Variants in IMPACT observed in about 807,000 individuals in gnomAD.
The protein encoded by IMPACT is impact RWD domain protein, also known as protein IMPACT.
In IMPACT, 35 loss-of-function variants were observed where a neutral mutation model predicts 47.5. That is an observed-to-expected ratio of 0.74 (90% CI 0.56 to 0.98). The LOEUF is 0.98. IMPACT is among the 50% of genes least tolerant of loss of function. The pLI is 0.00. For missense variants in IMPACT, 373 were observed against 394.8 expected (o/e 0.94, Z 0.47); for synonymous variants, 118 against 125.6 (o/e 0.94, Z 0.40).
chr18:24,436,654 TC>T (rs1316181916), intron 4 of IMPACT, among the ~76,000 whole-genome samples: 1 of 152,000 alleles, frequency 6.6e-6, no homozygotes, highest in Non-Finnish European at 1.5e-5. Context: ...GTTCAAGCAA[TC>T]CTCCCACCTC....
chr18:24,433,292 C>T (rs1456480271), intron 4 of IMPACT, among the ~76,000 whole-genome samples: 5 of 149,080 alleles, frequency 3.4e-5, no homozygotes, highest in African/African-American at 5.0e-5. Flanking sequence ...CTCTGCCTCC[C>T]GGGTTCACGC....
chr18:24,426,878 G>T, intron 1 of IMPACT, 86 bp downstream of exon 1: 1 of 951,794 alleles, frequency 1.1e-6, no homozygotes, highest in Non-Finnish European at 1.4e-6. Context: ...GGGGCCCTCC[G>T]CCTGGGGCCG....
chr18:24,427,000 C>G, intron 1 of IMPACT: 1 of 394,456 alleles, frequency 2.5e-6, no homozygotes, highest in Non-Finnish European at 4.5e-6. Context: ...CGGCCGCGGT[C>G]TCGGCCTGTC....
intron 7 of IMPACT, among the ~76,000 whole-genome samples, chr18:24,444,739 A>G (rs1160447860): frequency 6.6e-6 from 1 of 152,244 alleles, no homozygotes; most frequent in African/African-American, 2.4e-5. Flanking sequence ...AATTTCAGGT[A>G]AACATTATTG....
chr18:24,441,189 TTTTG>T (rs887706228), intron 6 of IMPACT, among the ~76,000 whole-genome samples: 20 of 152,208 alleles, frequency 1.3e-4, no homozygotes, highest in East Asian at 3.9e-4. Flanking sequence ...TGAGTTCAGT[TTTTG>T]TTTGTTTGTT....
At chr18:24,428,811 A>C in intron 2 of IMPACT, 58 bp from the exon 3 acceptor site, 1 of 1,339,272 alleles carries the variant, frequency 7.5e-7, no homozygotes, top group Non-Finnish European at 1.0e-6. Flanking sequence ...CTTTATAAAT[A>C]TGGTTACTTT....
chr18:24,430,095 A>G (rs1236294354), intron 3 of IMPACT, among the ~76,000 whole-genome samples: 1 of 152,174 alleles, frequency 6.6e-6, no homozygotes, highest in Non-Finnish European at 1.5e-5. Context: ...AACCATTAAA[A>G]CAGGGTAATT....
At chr18:24,446,216 A>G (rs146016055) in intron 8 of IMPACT, among the ~76,000 whole-genome samples, 1 of 151,990 alleles carries the variant, frequency 6.6e-6, no homozygotes, top group Non-Finnish European at 1.5e-5. Context: ...GGTGCGAGCC[A>G]CCATGCCCGG....
intron 9 of IMPACT, among the ~76,000 whole-genome samples, chr18:24,448,510 G>A (rs1037553871): frequency 1.3e-5 from 2 of 151,610 alleles, no homozygotes; most frequent in African/African-American, 4.8e-5. Flanking sequence ...ACTCCGGTTA[G>A]TTGGATATTG....
rs898077621 is a variant in IMPACT, at chr18:24,443,138, G to T, written c.580G>T (p.Val194Phe). The change falls in exon 7 of 11, where the codon GTT becomes TTT. Residue 194 changes from valine to phenylalanine, a missense_variant. Transcript: ENST00000284202. ...STFQAHLAPV[V>F]CPKQVKMVLS... ...TTTTCAGGCACACTTGGCTCCAGTG[G>T]TTTGTCCCAAACAGGTAAAGTTCCT... is the stretch of plus-strand genomic sequence containing the variant. The T allele has an allele frequency of 6.3e-7, 1 of 1,588,128 alleles. No individual in the cohort carries two copies. The highest frequency in any genetic ancestry group is 8.6e-7 in the Non-Finnish European group (1 of 1,158,812).
intron 9 of IMPACT, 47 bp from the exon 10 acceptor site, chr18:24,449,772 T>C: frequency 6.6e-7 from 1 of 1,517,610 alleles, no homozygotes; most frequent in Non-Finnish European, 9.1e-7. Flanking sequence ...AACTCATATT[T>C]ATACATGTCT....
chr18:24,441,053 G>T (rs542576), intron 6 of IMPACT, among the ~76,000 whole-genome samples: 139,705 of 152,202 alleles, frequency 0.92, 64,305 homozygotes, highest in Admixed American at 0.95. Context: ...CCTTTAAGAG[G>T]TTTTTTTTGA....
At position 24,440,568 on chromosome 18, in the gene IMPACT, C is replaced by G; in HGVS notation, c.440C>G (p.Pro147Arg). 8 of 1,612,934 alleles carry G rather than the reference C, an allele frequency of 5.0e-6. No homozygotes were observed. Among genetic ancestry groups the G allele is most frequent in the Non-Finnish European group, 6.8e-6 (8 of 1,179,250 alleles). Residue 147 changes from proline (P) to arginine (R), a missense_variant, in exon 6 of 11, where the codon CCG becomes CGG. By Grantham distance (103) the Pro-to-Arg change is moderately radical. Coordinates refer to ENST00000284202, the MANE Select transcript of IMPACT (RefSeq NM_018439.4). ...GATGATCTCATTTTAGCATGTCAGCCGGAAAGTTCGCTTAAAGCATTGGAT... is the reference window on the plus strand; with the variant it reads ...GATGATCTCATTTTAGCATGTCAGCGGGAAAGTTCGCTTAAAGCATTGGAT... Reference protein sequence around the residue: ...CEDDLILACQPESSLKALDFD... With the variant: ...CEDDLILACQRESSLKALDFD...
chr18:24,440,599 T>A lies in IMPACT; in HGVS notation c.471T>A (p.Asp157Glu), dbSNP rs764279865. Reference sequence around the variant, plus strand: ...GTTCGCTTAAAGCATTGGATTTTGATATCAGTGAAACTCGGACAGGTATAA... The same window carrying A: ...GTTCGCTTAAAGCATTGGATTTTGAAATCAGTGAAACTCGGACAGGTATAA... ...PESSLKALDF[D>E]ISETRTEVEV... Residue 157 changes from aspartate (D) to glutamate (E), a missense_variant, in exon 6 of 11, where the codon GAT (aspartate) becomes GAA (glutamate). By Grantham distance (45) the Asp-to-Glu change is conservative (BLOSUM62 2). Transcript: ENST00000284202. The A allele has an allele frequency of 4.7e-5, 76 of 1,613,134 alleles. 4 individuals carry two copies. In the South Asian group the frequency reaches 8.1e-4, roughly 17 times the overall value.
chr18:24,442,871 A>G (rs1321032761), intron 6 of IMPACT, among the ~76,000 whole-genome samples, 178 bp from the exon 7 acceptor site: 1 of 152,236 alleles, frequency 6.6e-6, no homozygotes. Flanking sequence ...CAATATAGTT[A>G]GAAACTTTTT....
intron 2 of IMPACT, among the ~76,000 whole-genome samples, chr18:24,428,266 G>A (rs1242063964): frequency 1.3e-5 from 2 of 152,182 alleles, no homozygotes; most frequent in Admixed American, 6.5e-5. Flanking sequence ...TCATTTAAAA[G>A]TGTTAATGTA....
intron 6 of IMPACT, among the ~76,000 whole-genome samples, chr18:24,441,127 A>G (rs111526422): frequency 0.01 from 1,592 of 152,312 alleles, 32 homozygotes; most frequent in African/African-American, 0.037. Flanking sequence ...TGATCCTTCT[A>G]CCTCAGCCTC....
At chr18:24,429,277 C>G (rs998405761) in intron 3 of IMPACT, among the ~76,000 whole-genome samples, 9 of 152,284 alleles carry the variant, frequency 5.9e-5, no homozygotes, top group Non-Finnish European at 8.8e-5. Context: ...CTTGATGTAC[C>G]TGTAAGACTG....
Position 24,426,717 on chromosome 18 carries a change from A to C in IMPACT, c.-40A>C, listed in dbSNP as rs923621249. The stretch of plus-strand genomic sequence containing the variant: ...GCAGCGCCCCGCCCCCGCGCTCCGG[A>C]CCTGGCAGGCGGCGGCTGCAGGGCA... On this transcript the variant is annotated 5_prime_UTR_variant, in exon 1 of 11. Coordinates refer to ENST00000284202, the MANE Select transcript of IMPACT (RefSeq NM_018439.4). The C allele has an allele frequency of 1.6e-6, 2 of 1,241,934 alleles. No homozygotes were observed. The highest frequency in any genetic ancestry group is 3.8e-5 in the South Asian group (1 of 26,400). The allele number at this position is 1,241,934 out of a possible 1,614,324, so 76.9% of individuals were successfully genotyped here.
Sources: gnomAD v4.1 joint callset for allele counts (sites outside exome capture counted in the v4.1 genomes callset) on GRCh38, gnomAD v4.1.1 for gene constraint, MANE v1.5 for transcripts, NCBI Gene and HGNC (gene_info 2026-07-23, HGNC 2026-07-21) for gene names.